Variants in MEIS2 observed in about 807,000 individuals in gnomAD.
MEIS2 encodes the protein Meis homeobox 2.
In MEIS2, 9 loss-of-function variants were observed where a neutral mutation model predicts 58.6. The observed-to-expected ratio is 0.15, with a 90% CI of 0.09 to 0.27. The LOEUF is 0.27. MEIS2 is among the 10% of genes least tolerant of loss of function. The pLI is 1.00. For synonymous variants in MEIS2, 221 were observed against 228.4 expected, an observed-to-expected ratio of 0.97 and a Z score of 0.29; for missense variants, 427 against 635.0, an observed-to-expected ratio of 0.67 and a Z score of 3.52.
At chr15:37,046,710 C>G (rs1037100678) in intron 7 of MEIS2, among the ~76,000 whole-genome samples, 1 of 152,100 alleles carries the variant, frequency 6.6e-6, no homozygotes, top group Non-Finnish European at 1.5e-5. Flanking sequence ...TCAATTTACC[C>G]GTTAGGAACC....
chr15:36,960,121 T>C (rs950729127), intron 8 of MEIS2, among the ~76,000 whole-genome samples: 2 of 152,224 alleles, frequency 1.3e-5, no homozygotes, highest in African/African-American at 4.8e-5. Flanking sequence ...CAATTTTACT[T>C]GCACAGATTA....
intron 9 of MEIS2, among the ~76,000 whole-genome samples, chr15:36,942,344 G>A (rs1444188606): frequency 6.6e-6 from 1 of 152,100 alleles, no homozygotes; most frequent in Non-Finnish European, 1.5e-5. Flanking sequence ...TTCTACCCAG[G>A]TTTCTAATAA....
At chr15:37,053,841 T>C (rs2063025319) in intron 7 of MEIS2, among the ~76,000 whole-genome samples, 1 of 152,214 alleles carries the variant, frequency 6.6e-6, no homozygotes, top group African/African-American at 2.4e-5. Context: ...ATTGGATTAG[T>C]TATTGTGAGA....
intron 7 of MEIS2, 39 bp downstream of exon 7, chr15:37,083,732 C>T (rs750678574): frequency 1.0e-5 from 16 of 1,548,194 alleles, no homozygotes; most frequent in Non-Finnish European, 1.4e-5. Context: ...TTATTTTAGT[C>T]ATGCCTACTT....
chr15:37,059,965 C>T (rs1888980941), intron 7 of MEIS2, among the ~76,000 whole-genome samples: 1 of 152,080 alleles, frequency 6.6e-6, no homozygotes, highest in African/African-American at 2.4e-5. Flanking sequence ...GGGTCTCACG[C>T]TGTCACGCAG....
At chr15:37,097,568 AAAAT>A (rs1437915932) in intron 2 of MEIS2, among the ~76,000 whole-genome samples, 1 of 152,168 alleles carries the variant, frequency 6.6e-6, no homozygotes, top group African/African-American at 2.4e-5. Flanking sequence ...AAAAAAGTAA[AAAAT>A]AAAAAAACCC....
chr15:36,900,730 C>T (rs2056425740), intron 9 of MEIS2, among the ~76,000 whole-genome samples: 1 of 152,184 alleles, frequency 6.6e-6, no homozygotes. Context: ...GCTTTGCATA[C>T]TTTTCTACAA....
intron 9 of MEIS2, among the ~76,000 whole-genome samples, chr15:36,923,677 G>T (rs867158684): frequency 1.3e-5 from 2 of 152,200 alleles, no homozygotes; most frequent in African/African-American, 4.8e-5. Flanking sequence ...AGAGAGAGAA[G>T]AAAACACAAA....
rs71126247 is a variant in MEIS2, at chr15:36,971,537, T to TAAAAAAAAAAAAAAAAAAAAAA, written c.901-21159_901-21138dup. On this transcript the variant is annotated intron_variant, in intron 8 of 11. Transcript: ENST00000561208. ...GTATTACTTGTATGCCTTGTTACAT[T>TAAAAAAAAAAAAAAAAAAAAAA]AAAAAAAAAAAAAAAAAAAAAAAAA... Among the ~76,000 whole-genome samples the TAAAAAAAAAAAAAAAAAAAAAA allele has an allele frequency of 1.3e-4, 9 of 67,110 alleles. 1 individual carries two copies. Among genetic ancestry groups the TAAAAAAAAAAAAAAAAAAAAAA allele is most frequent in the African/African-American group, 4.2e-4 (6 of 14,170 alleles). The allele number at this position is 67,110 out of a possible 152,430, so 44.0% of individuals were successfully genotyped here. A position where few individuals can be genotyped will look rare whatever the true frequency, so the allele number is the denominator to read the frequency against.
At chr15:37,059,871 G>GCT (rs1888959563) in intron 7 of MEIS2, among the ~76,000 whole-genome samples, 1 of 152,104 alleles carries the variant, frequency 6.6e-6, no homozygotes, top group Admixed American at 6.5e-5. Flanking sequence ...CGCCTGGGAG[G>GCT]TGGAGGTTGC....
At chr15:37,025,097 G>A (rs2061657419) in intron 8 of MEIS2, among the ~76,000 whole-genome samples, 1 of 152,074 alleles carries the variant, frequency 6.6e-6, no homozygotes, top group African/African-American at 2.4e-5. Flanking sequence ...CCAGACTTAG[G>A]GCAAAAGAAA....
rs2055911683 is a variant in MEIS2, at chr15:36,892,360, G to C, written c.1247C>G (p.Pro416Arg). Residue 416 changes from proline (P) to arginine (R), a missense_variant, in exon 12 of 12, where the codon CCT becomes CGT. Physicochemically the swap from Pro to Arg is moderately radical, Grantham distance 103. Around this residue, in one of 6 missense-constraint regions of MEIS2, gnomAD observed 154 missense variants for 148.1 expected, o/e 1.04. Coordinates refer to ENST00000561208, the MANE Select transcript of MEIS2 (RefSeq NM_170675.5). ...TGGGGGTCCATGTCTTAATTGAGTAGGGTGTGGGGTCATCTGGGGAGGAGT... is the reference window on the plus strand; with the variant it reads ...TGGGGGTCCATGTCTTAATTGAGTACGGTGTGGGGTCATCTGGGGAGGAGT... ...SYTPPQMTPH[P>R]TQLRHGPPMH... 1.9e-6 allele frequency: 3 copies of C among 1,613,870 alleles called. No homozygotes were observed. Among genetic ancestry groups the C allele is most frequent in the Non-Finnish European group, 2.5e-6 (3 of 1,179,930 alleles).
chr15:36,939,072 A>C (rs1167050439), intron 9 of MEIS2, among the ~76,000 whole-genome samples: 1 of 152,102 alleles, frequency 6.6e-6, no homozygotes, highest in African/African-American at 2.4e-5. Flanking sequence ...CCCTACTTCC[A>C]TGGTCTCTCG....
At chr15:37,055,966 C>T (rs1434782315) in intron 7 of MEIS2, among the ~76,000 whole-genome samples, 2 of 152,132 alleles carry the variant, frequency 1.3e-5, no homozygotes, top group African/African-American at 4.8e-5. Context: ...ATATCTGTCC[C>T]ATCAGTGAAT....
intron 7 of MEIS2, among the ~76,000 whole-genome samples, chr15:37,040,297 C>T (rs2062368112): frequency 6.6e-6 from 1 of 152,170 alleles, no homozygotes; most frequent in Non-Finnish European, 1.5e-5. Flanking sequence ...AAGATACCTC[C>T]ATGCCTGACT....
intron 7 of MEIS2, among the ~76,000 whole-genome samples, chr15:37,075,959 G>A (rs12900478): frequency 6.6e-6 from 1 of 151,692 alleles, no homozygotes; most frequent in Non-Finnish European, 1.5e-5. Context: ...TGTATAGCAG[G>A]GATACTAAAG....
rs747612320 is a variant in MEIS2, at chr15:37,098,107, C to T, written c.105G>A (p.Pro35=). The change falls in exon 2 of 12, where the codon CCG becomes CCA. Residue 35 remains proline, a synonymous_variant. Coordinates refer to ENST00000561208, the MANE Select transcript of MEIS2 (RefSeq NM_170675.5). ...GCGGCCCGTGGTTCAGGTGGTGAACCGGGGGGATCGGCCGCGGCGCGTGAG... is the reference window on the plus strand; with the variant it reads ...GCGGCCCGTGGTTCAGGTGGTGAACTGGGGGGATCGGCCGCGGCGCGTGAG... ...GDPHAPRPIP[P]VHHLNHGPPL... is the part of the protein sequence containing the mutation. The T allele has an allele frequency of 1.9e-6, 3 of 1,613,474 alleles. No individual in the cohort carries two copies. The highest frequency in any genetic ancestry group is 2.5e-6 in the Non-Finnish European group (3 of 1,179,896).
At chr15:37,089,378 G>A (rs1438918272) in intron 6 of MEIS2, among the ~76,000 whole-genome samples, 3 of 151,818 alleles carry the variant, frequency 2.0e-5, no homozygotes, top group Non-Finnish European at 4.4e-5. Context: ...TTTATCTAGA[G>A]TCACTTGCCC....
chr15:37,100,174 G>T lies in MEIS2; in HGVS notation c.-708C>A, dbSNP rs1894925691. 1 of 144,208 alleles carries T rather than the reference G, an allele frequency of 6.9e-6. No homozygotes were observed. The allele number at this position is 144,208 out of a possible 1,614,324, so 8.9% of individuals were successfully genotyped here. A position where few individuals can be genotyped will look rare whatever the true frequency, so the allele number is the denominator to read the frequency against. On this transcript the variant is annotated 5_prime_UTR_variant, in exon 1 of 12. Coordinates refer to ENST00000561208, the MANE Select transcript of MEIS2 (RefSeq NM_170675.5). ...CAAAGAAAGCAGTGAGAAAAATCAA[G>T]AAAAAAAAATGAATAGTTTGCAAAA... is the stretch of plus-strand genomic sequence containing the variant.
Sources: gnomAD v4.1 joint callset for allele counts (sites outside exome capture counted in the v4.1 genomes callset) on GRCh38, gnomAD v4.1.1 for gene constraint, gnomAD v4.1.1 regional missense constraint, MANE v1.5 for transcripts, NCBI Gene and HGNC (gene_info 2026-07-23, HGNC 2026-07-21) for gene names.